BLM: variants seen among roughly 807,000 people sequenced by gnomAD.
BLM encodes recQ-like DNA helicase BLM.
BLM carries 95 observed loss-of-function variants against 135.3 expected under a neutral mutation model. The observed-to-expected ratio is 0.70, with a 90% confidence interval of 0.59 to 0.83. BLM has a LOEUF of 0.83. BLM is among the 40% of genes least tolerant of loss of function. The pLI is 0.00. For synonymous variants in BLM, 520 were observed against 589.2 expected (o/e 0.88, Z 1.70); for missense variants, 1,518 against 1,663.9 (o/e 0.91, Z 1.53).
intron 8 of BLM, among the ~76,000 whole-genome samples, chr15:90,763,724 T>C (rs1204653649): frequency 6.6e-6 from 1 of 152,216 alleles, no homozygotes; most frequent in African/African-American, 2.4e-5. Flanking sequence ...ATGAAAATCA[T>C]TTAGCACGAT....
chr15:90,743,285 T>G (rs760270883), intron 1 of BLM, among the ~76,000 whole-genome samples: 5 of 152,086 alleles, frequency 3.3e-5, no homozygotes, highest in Admixed American at 6.6e-5. Flanking sequence ...GGCCTGCTTA[T>G]TTATATTCTT....
chr15:90,800,388 A>T (rs887103163), intron 17 of BLM, among the ~76,000 whole-genome samples: 1 of 152,232 alleles, frequency 6.6e-6, no homozygotes, highest in African/African-American at 2.4e-5. Context: ...CAGACTAACA[A>T]AAGTCAGGAG....
intron 1 of BLM, among the ~76,000 whole-genome samples, chr15:90,734,432 C>T (rs901278485): frequency 7.9e-5 from 12 of 151,882 alleles, no homozygotes; most frequent in Admixed American, 5.3e-4. Flanking sequence ...GGATTACAGG[C>T]GCCCACCACC....
Position 90,717,419 on chromosome 15 carries a change from C to G in BLM, c.-26C>G, listed in dbSNP as rs1174594909. On this transcript the variant is annotated 5_prime_UTR_variant, in exon 1 of 22. Transcript: ENST00000355112. ...CGGGAAGTTTGGATCCTGGTTCCGT[C>G]CGCTAGGAGTCTGCGTGCGAGGTGA... The G allele has an allele frequency of 6.6e-6, 1 of 152,370 alleles. No homozygotes were observed. Among genetic ancestry groups the G allele is most frequent in the Non-Finnish European group, 1.5e-5 (1 of 68,146 alleles). The allele number at this position is 152,370 out of a possible 1,614,324, so 9.4% of individuals were successfully genotyped here. A position where few individuals can be genotyped will look rare whatever the true frequency, so the allele number is the denominator to read the frequency against.
chr15:90,809,369 C>A, intron 20 of BLM, 110 bp downstream of exon 20: 1 of 1,557,302 alleles, frequency 6.4e-7, no homozygotes, highest in Non-Finnish European at 8.8e-7. Flanking sequence ...CCTCGTCACA[C>A]TGACATCCAA....
chr15:90,810,058 C>G (rs1353647162), intron 20 of BLM, among the ~76,000 whole-genome samples: 1 of 145,400 alleles, frequency 6.9e-6, no homozygotes, highest in Non-Finnish European at 1.5e-5. Context: ...TTCAAGTTCT[C>G]TCTTTACCTA....
In BLM at chr15:90,765,349, A is replaced by T; in HGVS notation, c.2128A>T (p.Thr710Ser). The change falls in exon 9 of 22, where the codon ACT becomes TCT. Residue 710 changes from threonine to serine, a missense_variant. Transcript: ENST00000355112. ...QLPACVSPGV[T>S]VVISPLRSLI... ...CCCTGCCTGTGTTTCTCCTGGGGTC[A>T]CTGTTGTCATTTCTCCCTTGAGATC... The T allele has an allele frequency of 6.2e-7, 1 of 1,613,994 alleles. No individual in the cohort carries two copies. Among genetic ancestry groups the T allele is most frequent in the Non-Finnish European group, 8.5e-7 (1 of 1,179,890 alleles).
chr15:90,745,869 A>C (rs6496721), intron 1 of BLM, among the ~76,000 whole-genome samples: 44,239 of 152,044 alleles, frequency 0.29, 8,007 homozygotes, highest in African/African-American at 0.52. Flanking sequence ...TGAGCTCAGG[A>C]GTTCGAGACC....
At position 90,760,875 on chromosome 15, in the gene BLM, T is replaced by A. The variant is rs1247170438; in HGVS notation, c.1502T>A (p.Val501Glu). Residue 501 changes from valine (V) to glutamate (E), a missense_variant, in exon 7 of 22, where the codon GTA becomes GAA. Transcript: ENST00000355112. The part of the protein sequence containing the change: ...LFNTHLQKSF[V>E]SSNWAETPRL... ...AATACCCATTTACAGAAGTCCTTTG[T>A]AAGTAGCAACTGGGCTGAAACACCA... 1.9e-6 allele frequency: 3 copies of A among 1,614,034 alleles called. No homozygotes were observed. The highest frequency in any genetic ancestry group is 3.3e-5 in the Admixed American group (2 of 60,010).
chr15:90,731,293 A>G (rs1879996250), intron 1 of BLM, among the ~76,000 whole-genome samples: 1 of 152,126 alleles, frequency 6.6e-6, no homozygotes, highest in Admixed American at 6.6e-5. Context: ...ATTGTTTGGG[A>G]CTTTTGCATC....
chr15:90,761,007 G>A lies in BLM; in HGVS notation c.1634G>A (p.Arg545Lys). Residue 545 changes from arginine (R) to lysine (K), a missense_variant, in exon 7 of 22, where the codon AGA becomes AAA. Physicochemically the swap from Arg to Lys is conservative, Grantham distance 26. Coordinates refer to ENST00000355112, the MANE Select transcript of BLM (RefSeq NM_000057.4). ...KHTASINDLE[R>K]ETQPSYDIDN... ...ACTGCTTCAATAAATGACTTAGAAAGAGAAACCCAACCTTCCTATGATATT... is the reference window on the plus strand; with the variant it reads ...ACTGCTTCAATAAATGACTTAGAAAAAGAAACCCAACCTTCCTATGATATT... 6.2e-7 allele frequency: 1 copy of A among 1,608,080 alleles called. No homozygotes were observed. The highest frequency in any genetic ancestry group is 8.5e-7 in the Non-Finnish European group (1 of 1,177,826).
chr15:90,749,812 A>C lies in BLM; in HGVS notation c.544A>C (p.Thr182Pro). 6.2e-7 allele frequency: 1 copy of C among 1,601,838 alleles called. No individual in the cohort carries two copies. The highest frequency in any genetic ancestry group is 8.5e-7 in the Non-Finnish European group (1 of 1,174,528). The change falls in exon 3 of 22, where the codon ACT (threonine) becomes CCT (proline). Residue 182 changes from threonine to proline, a missense_variant. Physicochemically the swap from Thr to Pro is conservative, Grantham distance 38 (BLOSUM62 -1). This residue lies in a region of BLM where 724 missense variants were observed against 756.9 expected (regional missense o/e 0.96). Coordinates refer to ENST00000355112, the MANE Select transcript of BLM (RefSeq NM_000057.4). ...CCAAAGTCACTTTGTAAGAGTAAGC[A>C]CTGCTCAGAAATCAAAAAAGGGTAA... ...PPQSHFVRVSTAQKSKKGKRN... is the reference protein window; with the variant it reads ...PPQSHFVRVSPAQKSKKGKRN...
Position 90,749,967 on chromosome 15 carries a change from C to A in BLM, c.699C>A (p.Ser233Arg). Reference protein sequence around the residue: ...EQKDDSEWLSSDVICIDDGPI... With the variant: ...EQKDDSEWLSRDVICIDDGPI... Reference sequence around the variant, plus strand: ...AGGATGACTCAGAATGGTTAAGCAGCGATGTGATTTGCATCGATGATGGCC... The same window carrying A: ...AGGATGACTCAGAATGGTTAAGCAGAGATGTGATTTGCATCGATGATGGCC... Residue 233 changes from serine to arginine, a missense_variant, in exon 3 of 22, where the codon AGC (serine) becomes AGA (arginine). Physicochemically the swap from Ser to Arg is moderately radical, Grantham distance 110. Around this residue, in one of 5 missense-constraint regions of BLM, gnomAD observed 724 missense variants for 756.9 expected, o/e 0.96. Transcript: ENST00000355112. 1 of 1,614,148 alleles carries A rather than the reference C, an allele frequency of 6.2e-7. No individual in the cohort carries two copies. Among genetic ancestry groups the A allele is most frequent in the Non-Finnish European group, 8.5e-7 (1 of 1,180,036 alleles).
chr15:90,795,484 A>G (rs1219334715), intron 16 of BLM, among the ~76,000 whole-genome samples: 2 of 152,194 alleles, frequency 1.3e-5, no homozygotes, highest in Non-Finnish European at 2.9e-5. Context: ...CCATCAAAAA[A>G]AAAAAAGTTT....
Position 90,769,485 on chromosome 15 carries a change from C to G in BLM, c.2454C>G (p.Arg818=), listed in dbSNP as rs746409922. The part of the protein sequence containing the change: ...RQDYKRMNML[R]QKFPSVPVMA... ...ATTACAAAAGAATGAATATGCTTCG[C>G]CAGAAGTTTCCTTCTGTTCCGGTGA... is the stretch of plus-strand genomic sequence containing the variant. The change falls in exon 12 of 22, where the codon CGC becomes CGG. Residue 818 remains arginine (R), a synonymous_variant. Transcript: ENST00000355112. 2.0e-5 allele frequency: 32 copies of G among 1,613,904 alleles called. No individual in the cohort carries two copies. The highest frequency in any genetic ancestry group is 2.6e-5 in the Non-Finnish European group (31 of 1,179,944).
chr15:90,737,248 GAATA>G (rs750398989), intron 1 of BLM, among the ~76,000 whole-genome samples: 9 of 151,660 alleles, frequency 5.9e-5, no homozygotes, highest in African/African-American at 2.4e-5. Context: ...TTGAATAAAT[GAATA>G]AATATATGAT....
chr15:90,725,934 AG>A (rs1894902620), intron 1 of BLM, among the ~76,000 whole-genome samples: 1 of 152,072 alleles, frequency 6.6e-6, no homozygotes, highest in African/African-American at 2.4e-5. Context: ...TAGGTGTAGC[AG>A]ATATCTTCTA....
chr15:90,739,657 TCCCATACTG>T (rs1180827102), intron 1 of BLM, among the ~76,000 whole-genome samples: 1 of 152,260 alleles, frequency 6.6e-6, no homozygotes, highest in Non-Finnish European at 1.5e-5. Context: ...ACATTATGAT[TCCCATACTG>T]TATGAGTCTG....
At chr15:90,742,073 A>C (rs1432940632) in intron 1 of BLM, among the ~76,000 whole-genome samples, 1 of 152,340 alleles carries the variant, frequency 6.6e-6, no homozygotes, top group Middle Eastern at 3.4e-3. Flanking sequence ...ATGACATAAA[A>C]TTCTGTCAAA....
Sources: gnomAD v4.1 joint callset for allele counts (sites outside exome capture counted in the v4.1 genomes callset) on GRCh38, gnomAD v4.1.1 for gene constraint, gnomAD v4.1.1 regional missense constraint, MANE v1.5 for transcripts, NCBI Gene and HGNC (gene_info 2026-07-23, HGNC 2026-07-21) for gene names.